Variants in STK38L observed in about 807,000 individuals in gnomAD.
The protein encoded by STK38L is serine/threonine kinase 38 like.
STK38L carries 28 observed loss-of-function variants against 59.7 expected under a neutral mutation model. That is an observed-to-expected ratio of 0.47 (90% CI 0.35 to 0.64). STK38L has a LOEUF of 0.64. Among genes scored for constraint, STK38L ranks in the 30% least tolerant of loss-of-function variants. The pLI is 0.01. For synonymous variants in STK38L, 162 were observed against 176.8 expected, an observed-to-expected ratio of 0.92 and a Z score of 0.66; for missense variants, 314 against 555.8, an observed-to-expected ratio of 0.56 and a Z score of 4.37.
chr12:27,265,369 A>G (rs1050815478), intron 1 of STK38L, among the ~76,000 whole-genome samples: 3 of 152,132 alleles, frequency 2.0e-5, no homozygotes, highest in African/African-American at 7.2e-5. Context: ...TGCAAGTGCT[A>G]TTCTTAAAGG....
rs545204834 is a variant in STK38L, at chr12:27,301,321, C to T, written c.135-816C>T. ...TCGCCCATGCTGGAGTGCAGTGGCA[C>T]GATCTTGGCTCACTGCAACCTCCGC... is the stretch of plus-strand genomic sequence containing the variant. On this transcript the variant is annotated intron_variant, in intron 2 of 13. Coordinates refer to ENST00000389032, the MANE Select transcript of STK38L (RefSeq NM_015000.4). Among the ~76,000 whole-genome samples the T allele has an allele frequency of 4.0e-3, 608 of 152,280 alleles. 3 individuals are homozygous for T. The highest frequency in any genetic ancestry group is 0.014 in the African/African-American group (585 of 41,556).
intron 2 of STK38L, 197 bp downstream of exon 2, chr12:27,298,051 T>G (rs962015510): frequency 3.4e-6 from 2 of 585,578 alleles, no homozygotes; most frequent in African/African-American, 1.9e-5. Flanking sequence ...CCAAGTCTTG[T>G]GCATCTATAT....
At chr12:27,267,156 G>A (rs1023290256) in intron 1 of STK38L, among the ~76,000 whole-genome samples, 3 of 151,870 alleles carry the variant, frequency 2.0e-5, no homozygotes, top group Non-Finnish European at 4.4e-5. Flanking sequence ...ATGTAAATTT[G>A]CCCATCATTC....
At position 27,317,389 on chromosome 12, in the gene STK38L, G is replaced by A. The variant is rs374224143; in HGVS notation, c.891G>A (p.Gln297=). ...ACATTGCTCCAGAAGTATTCATGCA[G>A]ACTGGTTACAACAAATTGTGTGACT... The part of the protein sequence containing the change: ...PDYIAPEVFM[Q]TGYNKLCDWW... Residue 297 remains glutamine (Q), a synonymous_variant, in exon 10 of 14, where the codon CAG becomes CAA. Transcript: ENST00000389032. 1 of 1,613,502 alleles carries A rather than the reference G, an allele frequency of 6.2e-7. No homozygotes were observed. Among genetic ancestry groups the A allele is most frequent in the East Asian group, 2.2e-5 (1 of 44,860 alleles).
chr12:27,255,336 ACTCTCTCC>A (rs901736204), intron 1 of STK38L, among the ~76,000 whole-genome samples: 6 of 152,096 alleles, frequency 3.9e-5, no homozygotes, highest in African/African-American at 1.2e-4. Flanking sequence ...TAAACCAAGT[ACTCTCTCC>A]CTTTCAGAAA....
At chr12:27,254,450 C>T (rs956871127) in intron 1 of STK38L, among the ~76,000 whole-genome samples, 12 of 152,094 alleles carry the variant, frequency 7.9e-5, no homozygotes, top group Admixed American at 2.6e-4. Context: ...ATGTGCAAAT[C>T]GTTATTATAA....
In STK38L at chr12:27,323,073, G is replaced by A. The variant is rs1944768228; in HGVS notation, c.*618G>A. 1 of 152,240 alleles carries A rather than the reference G, an allele frequency of 6.6e-6. No individual in the cohort carries two copies. The highest frequency in any genetic ancestry group is 1.9e-4 in the East Asian group (1 of 5,182). 9.4% of individuals were successfully genotyped at this position (152,240 alleles called of 1,614,324 possible). ...GTTATTACACAAACTTCACAGTAAGGAGTGACAAGTTTATAATAAGGAAGA... is the reference window on the plus strand; with the variant it reads ...GTTATTACACAAACTTCACAGTAAGAAGTGACAAGTTTATAATAAGGAAGA... On this transcript the variant is annotated 3_prime_UTR_variant, in exon 14 of 14. Transcript: ENST00000389032.
chr12:27,312,657 G>T lies in STK38L; in HGVS notation c.502G>T (p.Glu168Ter). Residue 168 changes from glutamate to a stop codon, truncating the protein, a stop_gained, in exon 6 of 14, where the codon GAA becomes TAA. Transcript: ENST00000389032. LOFTEE classifies it high-confidence loss of function. ...TAAGAGGAATCTTTATCTAATCATGGAATTTCTCCCTGGAGGTAAAAGCAA... is the reference window on the plus strand; with the variant it reads ...TAAGAGGAATCTTTATCTAATCATGTAATTTCTCCCTGGAGGTAAAAGCAA... ...QDKRNLYLIM[E>*]FLPGGDMMTL... 1 of 1,613,918 alleles carries T rather than the reference G, an allele frequency of 6.2e-7. No individual in the cohort carries two copies. Among genetic ancestry groups the T allele is most frequent in the Non-Finnish European group, 8.5e-7 (1 of 1,179,962 alleles).
intron 9 of STK38L, among the ~76,000 whole-genome samples, chr12:27,316,999 A>G (rs1478009349): frequency 1.3e-5 from 2 of 152,092 alleles, no homozygotes; most frequent in Non-Finnish European, 2.9e-5. Flanking sequence ...TATATATATA[A>G]ATAACTTAAC....
intron 1 of STK38L, among the ~76,000 whole-genome samples, chr12:27,291,480 G>T (rs761279659): frequency 2.0e-5 from 3 of 152,170 alleles, no homozygotes; most frequent in Non-Finnish European, 4.4e-5. Context: ...ATAAGATCAT[G>T]AACTCCCTAA....
intron 1 of STK38L, among the ~76,000 whole-genome samples, chr12:27,270,952 A>G (rs571460172): frequency 6.6e-6 from 1 of 152,360 alleles, no homozygotes; most frequent in South Asian, 2.1e-4. Flanking sequence ...TTTTCCACAT[A>G]TTGGAGGATG....
At chr12:27,263,117 G>C (rs1418668365) in intron 1 of STK38L, among the ~76,000 whole-genome samples, 1 of 152,098 alleles carries the variant, frequency 6.6e-6, no homozygotes, top group Non-Finnish European at 1.5e-5. Context: ...AACACTTTGT[G>C]TCTCTCTCAC....
intron 1 of STK38L, among the ~76,000 whole-genome samples, chr12:27,264,642 A>G (rs1399302691): frequency 6.6e-6 from 1 of 152,234 alleles, no homozygotes; most frequent in Non-Finnish European, 1.5e-5. Flanking sequence ...TGGTATACCA[A>G]CTATTTATGT....
intron 1 of STK38L, among the ~76,000 whole-genome samples, chr12:27,253,987 G>A (rs1352968664): frequency 6.6e-6 from 1 of 152,192 alleles, no homozygotes; most frequent in Non-Finnish European, 1.5e-5. Context: ...TGCAGTGCTG[G>A]TGATAAATTG....
chr12:27,317,773 G>T, intron 10 of STK38L, 123 bp from the exon 11 acceptor site: 1 of 1,180,956 alleles, frequency 8.5e-7, no homozygotes, highest in South Asian at 1.5e-5. Context: ...GATGAATGGT[G>T]GCATTTTTGA....
chr12:27,297,571 T>C, intron 1 of STK38L, 139 bp from the exon 2 acceptor site: 1 of 846,292 alleles, frequency 1.2e-6, no homozygotes, highest in Admixed American at 3.1e-5. Flanking sequence ...CTTTGTATTA[T>C]TTATAATGTG....
At chr12:27,306,981 G>A (rs1944333490) in intron 3 of STK38L, among the ~76,000 whole-genome samples, 1 of 151,846 alleles carries the variant, frequency 6.6e-6, no homozygotes, top group Non-Finnish European at 1.5e-5. Context: ...CATCCACCTC[G>A]GCCTCCCAAA....
chr12:27,267,418 C>A (rs1309429998), intron 1 of STK38L, among the ~76,000 whole-genome samples: 9 of 152,136 alleles, frequency 5.9e-5, no homozygotes, highest in Admixed American at 2.6e-4. Context: ...TCATCTCTAA[C>A]AACAACCACA....
intron 1 of STK38L, among the ~76,000 whole-genome samples, chr12:27,277,750 G>C (rs1943568849): frequency 6.6e-6 from 1 of 151,820 alleles, no homozygotes; most frequent in African/African-American, 2.4e-5. Flanking sequence ...TTGCTCCTTG[G>C]AAGGGGATAT....
Sources: allele counts gnomAD v4.1 joint callset (sites outside exome capture counted in the v4.1 genomes callset), GRCh38; gene constraint gnomAD v4.1.1; transcripts MANE v1.5; gene names NCBI Gene and HGNC (gene_info 2026-07-23, HGNC 2026-07-21).